MACROD2: variants seen among roughly 807,000 people sequenced by gnomAD.
MACROD2 encodes the protein ADP-ribose glycohydrolase MACROD2.
A neutral mutation model predicts 70.4 loss-of-function variants in MACROD2; 36 were observed. The ratio of observed to expected loss-of-function variants is 0.51; its 90% CI spans 0.39 to 0.68. The LOEUF (loss-of-function observed/expected upper bound fraction) is 0.68. Ranked by LOEUF, MACROD2 falls within the 30% of genes least tolerant of loss-of-function variation. The pLI is 0.00. For synonymous variants in MACROD2, 172 were observed against 178.8 expected (o/e 0.96, Z 0.30); for missense variants, 496 against 538.4 (o/e 0.92, Z 0.78).
intron 2 of MACROD2, among the ~76,000 whole-genome samples, chr20:14,013,674 CTTTTTTTTTTT>C (rs34386274): frequency 1.4e-5 from 1 of 70,944 alleles, no homozygotes; most frequent in African/African-American, 5.8e-5. Flanking sequence ...TTATATTAAG[CTTTTTTTTTTT>C]TTTTTTTTTT....
At chr20:15,629,309 CTG>C (rs1158317277) in intron 8 of MACROD2, among the ~76,000 whole-genome samples, 2 of 152,208 alleles carry the variant, frequency 1.3e-5, no homozygotes, top group Non-Finnish European at 2.9e-5. Context: ...TCTGACGCGA[CTG>C]TTTTGATGTA....
At chr20:15,354,297 C>A (rs1054274507) in intron 6 of MACROD2, among the ~76,000 whole-genome samples, 2 of 151,818 alleles carry the variant, frequency 1.3e-5, no homozygotes, top group Non-Finnish European at 2.9e-5. Context: ...GGGAATTGAA[C>A]AATGAGAACA....
chr20:16,045,167 A>T (rs2067362901), intron 17 of MACROD2, among the ~76,000 whole-genome samples: 1 of 152,128 alleles, frequency 6.6e-6, no homozygotes, highest in Admixed American at 6.6e-5. Flanking sequence ...TGTTATGTTG[A>T]ATGAGCTTCA....
At chr20:15,361,719 C>T (rs2146245386) in intron 6 of MACROD2, among the ~76,000 whole-genome samples, 1 of 151,888 alleles carries the variant, frequency 6.6e-6, no homozygotes, top group South Asian at 2.1e-4. Context: ...TTTAGATATT[C>T]TTTGATTTTT....
chr20:14,345,324 A>C (rs2122675743), intron 3 of MACROD2, among the ~76,000 whole-genome samples: 1 of 152,294 alleles, frequency 6.6e-6, no homozygotes, highest in South Asian at 2.1e-4. Flanking sequence ...ATCTGAGAGA[A>C]GTTAGAGACA....
rs536552226 is a variant in MACROD2 at position 14,763,101 on chromosome 20, G to A, written c.418+78142G>A. ...AGGACCAAAGAAAGTGATCCAGGAA[G>A]TGGATGTTAAGGAATGAATGAAAAT... On this transcript the variant is annotated intron_variant, in intron 5 of 17. Transcript: ENST00000684519. 6.6e-4 allele frequency among the ~76,000 whole-genome samples: 101 copies of A among 152,198 alleles called. 1 individual carries two copies. The highest frequency in any genetic ancestry group is 2.1e-3 in the African/African-American group (87 of 41,498).
At chr20:15,747,748 A>G (rs2051206129) in intron 8 of MACROD2, among the ~76,000 whole-genome samples, 1 of 152,050 alleles carries the variant, frequency 6.6e-6, no homozygotes, top group Non-Finnish European at 1.5e-5. Context: ...ATGAGCAAAG[A>G]CAGCTTTATT....
rs372121764 is a variant in MACROD2, at chr20:14,987,859, AT to A, written c.419-242080del. Among the ~76,000 whole-genome samples the A allele has an allele frequency of 6.5e-3, 986 of 152,182 alleles. 8 individuals carry two copies. The highest frequency in any genetic ancestry group is 0.022 in the African/African-American group (927 of 41,504). ...ATGTCAGGACTTAAGATATATATAT[AT>A]ATAAGAAATCTCATGAACAGAAGTT... On this transcript the variant is annotated intron_variant, in intron 5 of 17. Coordinates refer to ENST00000684519, the MANE Select transcript of MACROD2 (RefSeq NM_001351661.2).
chr20:15,613,667 G>A (rs1029099996), intron 8 of MACROD2, among the ~76,000 whole-genome samples: 1 of 152,202 alleles, frequency 6.6e-6, no homozygotes, highest in African/African-American at 2.4e-5. Flanking sequence ...GCTTCCAGAA[G>A]TTAATCTGGC....
At chr20:14,252,097 A>G (rs2082018108) in intron 3 of MACROD2, among the ~76,000 whole-genome samples, 1 of 152,068 alleles carries the variant, frequency 6.6e-6, no homozygotes, top group Admixed American at 6.6e-5. Context: ...GATGTTAAAT[A>G]TATCGGAGGG....
At chr20:14,805,401 C>T (rs992152283) in intron 5 of MACROD2, among the ~76,000 whole-genome samples, 2 of 151,744 alleles carry the variant, frequency 1.3e-5, no homozygotes, top group Non-Finnish European at 2.9e-5. Flanking sequence ...TCTATTTTTC[C>T]CCAGTTTTGT....
At chr20:14,314,443 G>GT (rs889297187) in intron 3 of MACROD2, among the ~76,000 whole-genome samples, 1 of 152,122 alleles carries the variant, frequency 6.6e-6, no homozygotes, top group Non-Finnish European at 1.5e-5. Context: ...CCAAGAAAAT[G>GT]TTTTTTTATC....
At chr20:15,066,842 A>G (rs2075579810) in intron 5 of MACROD2, among the ~76,000 whole-genome samples, 1 of 151,676 alleles carries the variant, frequency 6.6e-6, no homozygotes, top group Admixed American at 6.6e-5. Context: ...AGACTGCACC[A>G]CTGCACTCCA....
intron 3 of MACROD2, among the ~76,000 whole-genome samples, chr20:14,176,891 C>T (rs983627047): frequency 6.6e-6 from 1 of 152,126 alleles, no homozygotes; most frequent in South Asian, 2.1e-4. Context: ...GTGTGAGAAA[C>T]CATTCCCAAA....
chr20:14,068,403 T>C (rs1415442611), intron 2 of MACROD2, among the ~76,000 whole-genome samples: 3 of 152,100 alleles, frequency 2.0e-5, no homozygotes, highest in Non-Finnish European at 4.4e-5. Flanking sequence ...CATGATCAGC[T>C]TGCTAAGTAA....
At chr20:15,748,754 A>G (rs1432520823) in intron 8 of MACROD2, among the ~76,000 whole-genome samples, 1 of 152,114 alleles carries the variant, frequency 6.6e-6, no homozygotes, top group East Asian at 1.9e-4. Flanking sequence ...TTTTATTAAG[A>G]AGTCTGATCT....
At chr20:14,125,065 T>G (rs528850344) in intron 3 of MACROD2, among the ~76,000 whole-genome samples, 2 of 152,234 alleles carry the variant, frequency 1.3e-5, no homozygotes, top group East Asian at 3.9e-4. Context: ...AGGTTACATA[T>G]TGTAGGCTTT....
intron 10 of MACROD2, among the ~76,000 whole-genome samples, chr20:15,928,868 G>T (rs1251649606): frequency 1.3e-5 from 2 of 152,252 alleles, no homozygotes; most frequent in East Asian, 3.9e-4. Flanking sequence ...ACCTTCTAGA[G>T]AATTTTGGAA....
intron 3 of MACROD2, among the ~76,000 whole-genome samples, chr20:14,438,128 T>C (rs2084079868): frequency 6.6e-6 from 1 of 152,214 alleles, no homozygotes; most frequent in Admixed American, 6.5e-5. Flanking sequence ...CCTTTATTCC[T>C]TTTTTAATAG....
Sources: allele counts gnomAD v4.1 joint callset (sites outside exome capture counted in the v4.1 genomes callset), GRCh38; gene constraint gnomAD v4.1.1; transcripts MANE v1.5; gene names NCBI Gene and HGNC (gene_info 2026-07-23, HGNC 2026-07-21).